Variants in DMD observed in about 807,000 individuals in gnomAD.
The protein encoded by DMD is dystrophin, also known as mutant dystrophin.
In DMD, 63 loss-of-function variants were observed where a neutral mutation model predicts 330.1. That is an observed-to-expected ratio of 0.19 (90% confidence interval 0.16 to 0.24). DMD has a LOEUF of 0.24. DMD is among the 10% of genes least tolerant of loss of function. The pLI is 1.00. For missense variants in DMD, 3,344 were observed against 2,684.1 expected, an observed-to-expected ratio of 1.25 and a Z score of -5.43; for synonymous variants, 1,223 against 959.8, an observed-to-expected ratio of 1.27 and a Z score of -5.07.
At chrX:32,750,407 A>G (rs1330379368) in intron 7 of DMD, among the ~76,000 whole-genome samples, 1 of 112,257 alleles carries the variant, frequency 8.9e-6, no homozygotes, top group African/African-American at 3.2e-5. Flanking sequence ...CACTTATTTT[A>G]GAAGTAAATC....
intron 52 of DMD, among the ~76,000 whole-genome samples, chrX:31,680,759 T>C (rs927530480): frequency 1.6e-4 from 18 of 111,566 alleles, no homozygotes; most frequent in African/African-American, 4.2e-4. Context: ...ACTGGTATCA[T>C]TGGAAGTCCA....
intron 62 of DMD, among the ~76,000 whole-genome samples, chrX:31,304,013 T>C (rs1388212271): frequency 8.9e-6 from 1 of 112,328 alleles, no homozygotes; most frequent in Admixed American, 9.5e-5. Flanking sequence ...GTCAAGAGTA[T>C]ATCTTTAGAT....
intron 1 of DMD, among the ~76,000 whole-genome samples, chrX:33,235,916 ATT>A (rs1210743904): frequency 3.4e-5 from 3 of 87,130 alleles, no homozygotes; most frequent in Non-Finnish European, 6.8e-5. Context: ...TATTATTATT[ATT>A]TTTTTTTTTT....
intron 2 of DMD, among the ~76,000 whole-genome samples, chrX:32,910,102 A>G (rs1196924689): frequency 2.7e-5 from 3 of 111,831 alleles, no homozygotes; most frequent in Non-Finnish European, 5.6e-5. Context: ...AAATCACACA[A>G]TAATTTAATA....
chrX:32,345,931 T>C lies in DMD; in HGVS notation c.5586+12A>G. On this transcript the variant is annotated intron_variant, in intron 39 of 78. Transcript: ENST00000357033. ...CCACAGGCAAGGTATATTATAATTT[T>C]AGCTCTAATACCTTGAGAGCATTAT... 1 of 1,207,278 alleles carries C rather than the reference T, an allele frequency of 8.3e-7. No homozygotes were observed. Among genetic ancestry groups the C allele is most frequent in the Non-Finnish European group, 1.1e-6 (1 of 892,537 alleles).
In DMD at chrX:31,598,772, T is replaced by G. The variant is rs145953032; in HGVS notation, c.8217+28901A>C. On this transcript the variant is annotated intron_variant, in intron 55 of 78. Transcript: ENST00000357033. ...CTGAAATATCTGCAACTAGTTAGGT[T>G]TAAGAAAAGAAAACTCTTACCATTG... Among the ~76,000 whole-genome samples, 65 of 111,889 alleles carry G rather than the reference T, an allele frequency of 5.8e-4. No individual in the cohort carries two copies. In the East Asian group the frequency reaches 0.016, roughly 28 times the overall value.
chrX:32,638,734 G>A (rs746725754), intron 11 of DMD, among the ~76,000 whole-genome samples: 96 of 111,836 alleles, frequency 8.6e-4, no homozygotes, highest in Non-Finnish European at 1.6e-3. Context: ...GGAATTACCT[G>A]AATAACTTAA....
At chrX:31,516,773 G>A (rs1471069546) in intron 55 of DMD, among the ~76,000 whole-genome samples, 1 of 111,871 alleles carries the variant, frequency 8.9e-6, no homozygotes, top group Non-Finnish European at 1.9e-5. Context: ...CACTGCAACA[G>A]CAGAGAGAAG....
chrX:32,703,956 T>G (rs1444586633), intron 7 of DMD, among the ~76,000 whole-genome samples: 4 of 111,729 alleles, frequency 3.6e-5, no homozygotes, highest in Non-Finnish European at 5.6e-5. Flanking sequence ...CATAAAATGC[T>G]CACGGACACC....
At chrX:33,163,552 G>GTATATATATATATA (rs781153726) in intron 1 of DMD, among the ~76,000 whole-genome samples, 21 of 91,003 alleles carry the variant, frequency 2.3e-4, no homozygotes, top group African/African-American at 7.9e-4. Context: ...ATATATGTGT[G>GTATATATATATATA]TATATATATA....
chrX:31,407,465 CCT>C (rs1491131173), intron 60 of DMD, among the ~76,000 whole-genome samples: 1 of 73,572 alleles, frequency 1.4e-5, no homozygotes, highest in African/African-American at 8.8e-5. Context: ...CATGCTTGGC[CCT>C]TTTTTTTTTT....
In DMD at chrX:32,809,467, C is replaced by A. The variant is rs2077186133; in HGVS notation, c.649+26G>T. 4.5e-6 allele frequency: 5 copies of A among 1,107,963 alleles called. No individual in the cohort carries two copies. Among genetic ancestry groups the A allele is most frequent in the Non-Finnish European group, 6.2e-6 (5 of 801,367 alleles). The allele number at this position is 1,107,963 out of a possible 1,213,427, so 91.3% of individuals were successfully genotyped here. ...ACATTAAACTCTACCATACTAAAAG[C>A]AGTGGTAGTCCAGAAATTTACCAAC... On this transcript the variant is annotated intron_variant, in intron 7 of 78. Transcript: ENST00000357033.
chrX:31,835,411 C>T (rs182828714), intron 49 of DMD, among the ~76,000 whole-genome samples: 5 of 111,948 alleles, frequency 4.5e-5, no homozygotes, highest in Non-Finnish European at 9.4e-5. Context: ...AGAACATCAA[C>T]GGAAACTCTG....
intron 44 of DMD, among the ~76,000 whole-genome samples, chrX:32,051,867 C>G (rs754328670): frequency 9.0e-6 from 1 of 111,129 alleles, no homozygotes; most frequent in African/African-American, 3.3e-5. Context: ...CACAAGCAAA[C>G]CCTAAGTGGG....
intron 59 of DMD, among the ~76,000 whole-genome samples, chrX:31,446,475 CA>C (rs11316166): frequency 0.21 from 22,502 of 106,150 alleles, 2,506 homozygotes; most frequent in African/African-American, 0.41. Flanking sequence ...CATACACATG[CA>C]AAAAAAAAAT....
chrX:32,116,877 G>A (rs762200147), intron 44 of DMD, among the ~76,000 whole-genome samples: 2 of 111,839 alleles, frequency 1.8e-5, no homozygotes, highest in Admixed American at 9.5e-5. Context: ...TGTTAAAATA[G>A]TACATAAGCC....
chrX:32,285,200 G>A (rs1428118970), intron 43 of DMD, among the ~76,000 whole-genome samples: 2 of 111,877 alleles, frequency 1.8e-5, no homozygotes. Flanking sequence ...AAACCTCAAC[G>A]GTCCTTAGGG....
At position 31,444,570 on chromosome X, in the gene DMD, C is replaced by T. The variant is rs547060534; in HGVS notation, c.8995G>A (p.Ala2999Thr). Residue 2999 changes from alanine to threonine, a missense_variant, in exon 60 of 79, where the codon GCT becomes ACT. Ala to Thr is a moderately conservative substitution (Grantham distance 58). Coordinates refer to ENST00000357033, the MANE Select transcript of DMD (RefSeq NM_004006.3). ...ATGCCCAAAGTGGTAAGCTGGCGAG[C>T]AAGGTCATTGACGTGGCTCACGTTC... ...KENVSHVNDL[A>T]RQLTTLGIQL... 1 of 1,211,689 alleles carries T rather than the reference C, an allele frequency of 8.3e-7. No homozygotes were observed. Among genetic ancestry groups the T allele is most frequent in the East Asian group, 3.0e-5 (1 of 33,829 alleles).
chrX:32,648,773 G>C (rs1282408761), intron 9 of DMD, among the ~76,000 whole-genome samples: 1 of 112,044 alleles, frequency 8.9e-6, no homozygotes, highest in Non-Finnish European at 1.9e-5. Flanking sequence ...GATATAAAAA[G>C]TGGCTTATGC....
Sources: allele counts gnomAD v4.1 joint callset (sites outside exome capture counted in the v4.1 genomes callset), GRCh38; gene constraint gnomAD v4.1.1; transcripts MANE v1.5; gene names NCBI Gene and HGNC (gene_info 2026-07-23, HGNC 2026-07-21).